Variants in CAGE1 observed in about 807,000 individuals in gnomAD.
The protein encoded by CAGE1 is cancer-associated gene 1 protein.
Under a neutral mutation model 94.9 loss-of-function variants are expected in CAGE1, and 66 were observed. That is an observed-to-expected ratio of 0.70 (90% CI 0.57 to 0.85). The LOEUF is 0.85. CAGE1 is among the 40% of genes least tolerant of loss of function. The probability of loss-of-function intolerance (pLI) is 0.00; values close to 1 mark genes in which losing one functional copy is unlikely to be tolerated. For synonymous variants in CAGE1, 319 were observed against 321.0 expected (o/e 0.99, Z 0.07); for missense variants, 865 against 950.4 (o/e 0.91, Z 1.18).
intron 1 of CAGE1, among the ~76,000 whole-genome samples, chr6:7,388,553 G>A (rs909094627): frequency 3.3e-5 from 5 of 152,150 alleles, no homozygotes; most frequent in Non-Finnish European, 7.3e-5. Flanking sequence ...ACTGCAAATG[G>A]ACCAGTGCTG....
intron 3 of CAGE1, among the ~76,000 whole-genome samples, chr6:7,384,287 C>T (rs1761038520): frequency 6.6e-6 from 1 of 152,148 alleles, no homozygotes; most frequent in African/African-American, 2.4e-5. Flanking sequence ...CCATGTTAGC[C>T]AGGATGGTCT....
intron 11 of CAGE1, among the ~76,000 whole-genome samples, chr6:7,346,611 C>T (rs1409443425): frequency 6.6e-6 from 1 of 151,776 alleles, no homozygotes; most frequent in Non-Finnish European, 1.5e-5. Context: ...CTTTGGGAGG[C>T]TGAGGTGAAT....
At chr6:7,371,702 G>T (rs924052910) in intron 5 of CAGE1, among the ~76,000 whole-genome samples, 1 of 151,946 alleles carries the variant, frequency 6.6e-6, no homozygotes, top group African/African-American at 2.4e-5. Context: ...CAGGAGAATT[G>T]CTTGAACCCG....
intron 7 of CAGE1, among the ~76,000 whole-genome samples, chr6:7,366,301 CA>C (rs892981796): frequency 5.3e-5 from 8 of 149,538 alleles, no homozygotes; most frequent in African/African-American, 1.7e-4. Context: ...AAAAAACATA[CA>C]AAAAATATGT....
At chr6:7,365,702 C>A in intron 8 of CAGE1, 102 bp downstream of exon 8, 6 of 1,345,998 alleles carry the variant, frequency 4.5e-6, no homozygotes. Flanking sequence ...AAGTGCAGAA[C>A]TTAGAACTAG....
At chr6:7,383,808 G>C (rs1298450192) in intron 3 of CAGE1, among the ~76,000 whole-genome samples, 3 of 152,050 alleles carry the variant, frequency 2.0e-5, no homozygotes, top group Non-Finnish European at 2.9e-5. Context: ...TGGCCTCCAG[G>C]AAAGTTTTAT....
chr6:7,373,098 TC>T lies in CAGE1; in HGVS notation c.1720del (p.Glu574LysfsTer3). ...CTTGGTAATATCTGACTTCAAGACT[TC>T]CTCTAATTGATCCTTTAACTGAGCT... is the stretch of plus-strand genomic sequence containing the variant. Reference protein sequence around the residue: ...ETAQLKDQLEEVLKSDITKDT... With the variant: ...ETAQLKDQLEXVLKSDITKDT... On this transcript the variant is annotated frameshift_variant, in exon 5 of 14. Coordinates refer to ENST00000502583, the MANE Select transcript of CAGE1 (RefSeq NM_001170692.2). LOFTEE classifies it high-confidence loss of function. The T allele has an allele frequency of 6.2e-7, 1 of 1,606,574 alleles. No homozygotes were observed. Among genetic ancestry groups the T allele is most frequent in the East Asian group, 2.2e-5 (1 of 44,822 alleles).
chr6:7,354,835 A>C (rs2714326), intron 11 of CAGE1, among the ~76,000 whole-genome samples: 56,762 of 151,986 alleles, frequency 0.37, 10,768 homozygotes, highest in Admixed American at 0.43. Flanking sequence ...GGGAGCTCTG[A>C]GAAAGGAAGA....
chr6:7,365,783 C>T (rs552820180), intron 8 of CAGE1, 21 bp downstream of exon 8: 172 of 1,415,536 alleles, frequency 1.2e-4, no homozygotes, highest in Middle Eastern at 7.8e-4. Flanking sequence ...AAAGATAGTA[C>T]GTAGTAAATA....
At chr6:7,346,381 CCT>C (rs1759536976) in intron 11 of CAGE1, among the ~76,000 whole-genome samples, 2 of 151,324 alleles carry the variant, frequency 1.3e-5, no homozygotes, top group African/African-American at 4.9e-5. Context: ...ACAGCAAGAC[CCT>C]GTTTCTAAAA....
chr6:7,365,303 G>A (rs1213316327), intron 9 of CAGE1, among the ~76,000 whole-genome samples, 165 bp downstream of exon 9: 1 of 152,126 alleles, frequency 6.6e-6, no homozygotes, highest in African/African-American at 2.4e-5. Flanking sequence ...ACCCCAAAAT[G>A]CAAACTTCGA....
In CAGE1 at chr6:7,339,106, C is replaced by A; in HGVS notation, c.2370-5016G>T. The stretch of plus-strand genomic sequence containing the variant: ...GGGTCTCTGCTGTGGATCATCAGGC[C>A]GTCCACAAACTTCATGGATTTAGCT... On this transcript the variant is annotated intron_variant, in intron 11 of 13. Coordinates refer to ENST00000502583, the MANE Select transcript of CAGE1 (RefSeq NM_001170692.2). The surrounding 1 kb of genome is among the most constrained non-coding windows in gnomAD (Gnocchi z 4.7). 1 of 1,583,682 alleles carries A rather than the reference C, an allele frequency of 6.3e-7. No individual in the cohort carries two copies. Among genetic ancestry groups the A allele is most frequent in the Non-Finnish European group, 8.7e-7 (1 of 1,153,204 alleles).
chr6:7,347,857 T>C (rs1182761087), intron 11 of CAGE1, among the ~76,000 whole-genome samples: 1 of 151,848 alleles, frequency 6.6e-6, no homozygotes. Context: ...TCCTCCTAGG[T>C]ACACAACTCC....
intron 5 of CAGE1, among the ~76,000 whole-genome samples, chr6:7,371,169 C>A (rs1410316158): frequency 6.6e-6 from 1 of 152,104 alleles, no homozygotes; most frequent in Non-Finnish European, 1.5e-5. Context: ...TGGGATCTTG[C>A]TAGAAATGCA....
chr6:7,328,158 T>C (rs924376685), intron 13 of CAGE1, among the ~76,000 whole-genome samples: 2 of 152,130 alleles, frequency 1.3e-5, no homozygotes. Context: ...CTGTTTGGGA[T>C]CACTCCAGCA....
chr6:7,377,287 G>A (rs1024762269), intron 4 of CAGE1, among the ~76,000 whole-genome samples: 2 of 152,216 alleles, frequency 1.3e-5, no homozygotes, highest in African/African-American at 2.4e-5. Context: ...ACAATCTTGC[G>A]AAACCCTATT....
At chr6:7,346,623 G>A (rs1480752931) in intron 11 of CAGE1, among the ~76,000 whole-genome samples, 1 of 151,974 alleles carries the variant, frequency 6.6e-6, no homozygotes, top group Non-Finnish European at 1.5e-5. Flanking sequence ...GAGGTGAATG[G>A]ATCACTTGAG....
rs1760641170 is a variant in CAGE1 at position 7,373,856 on chromosome 6, C to T, written c.963G>A (p.Val321=). ...KLKHTNRKQE[V]RIQELQCSNL... ...TACTACACTGGAGTTCTTGGATTCG[C>T]ACTTCCTGCTTTCTGTTAGTATGTT... The change falls in exon 5 of 14, where the codon GTG becomes GTA. Residue 321 remains valine, a synonymous_variant. Coordinates refer to ENST00000502583, the MANE Select transcript of CAGE1 (RefSeq NM_001170692.2). 2 of 1,613,840 alleles carry T rather than the reference C, an allele frequency of 1.2e-6. No homozygotes were observed. The highest frequency in any genetic ancestry group is 3.3e-5 in the Admixed American group (2 of 59,990).
chr6:7,373,915 C>A lies in CAGE1; in HGVS notation c.904G>T (p.Asp302Tyr). The change falls in exon 5 of 14, where the codon GAC (aspartate) becomes TAC (tyrosine). Residue 302 changes from aspartate to tyrosine, a missense_variant. Transcript: ENST00000502583. ...SAESLQPVQE[D>Y]MALNEVLQKL... ...TGCAAGACTTCATTTAAAGCCATGT[C>A]CTCTTGAACAGGTTGTAAGCTTTCA... 6.2e-7 allele frequency: 1 copy of A among 1,613,976 alleles called. No individual in the cohort carries two copies. The highest frequency in any genetic ancestry group is 1.1e-5 in the South Asian group (1 of 91,080).
Sources: allele counts gnomAD v4.1 joint callset (sites outside exome capture counted in the v4.1 genomes callset), GRCh38; gene constraint gnomAD v4.1.1; non-coding constraint Gnocchi (gnomAD v3.1); transcripts MANE v1.5; gene names NCBI Gene and HGNC (gene_info 2026-07-23, HGNC 2026-07-21).